MTA3: variants seen among roughly 807,000 people sequenced by gnomAD.
The protein encoded by MTA3 is metastasis-associated protein MTA3.
MTA3 carries 34 observed loss-of-function variants against 83.5 expected under a neutral mutation model. That is an observed-to-expected ratio of 0.41 (90% CI 0.31 to 0.54). MTA3 has a LOEUF of 0.54. MTA3 is among the 20% of genes least tolerant of loss of function. The pLI is 0.33. For synonymous variants in MTA3, 303 were observed against 252.7 expected, an observed-to-expected ratio of 1.20 and a Z score of -1.89; for missense variants, 761 against 726.4, an observed-to-expected ratio of 1.05 and a Z score of -0.55.
At chr2:42,544,529 A>G (rs1460260835) in intron 2 of MTA3, among the ~76,000 whole-genome samples, 1 of 151,540 alleles carries the variant, frequency 6.6e-6, no homozygotes, top group East Asian at 1.9e-4. Context: ...CTAAAATACC[A>G]AAAATAACTT....
intron 4 of MTA3, among the ~76,000 whole-genome samples, chr2:42,630,279 C>T (rs1448510955): frequency 6.6e-6 from 1 of 152,166 alleles, no homozygotes; most frequent in African/African-American, 2.4e-5. Flanking sequence ...AACTACATTT[C>T]TGGCCATAAC....
At chr2:42,652,880 C>T (rs1439296077) in intron 6 of MTA3, among the ~76,000 whole-genome samples, 2 of 152,062 alleles carry the variant, frequency 1.3e-5, no homozygotes, top group East Asian at 1.9e-4. Context: ...TTGTGTGTTC[C>T]TGAATTACAT....
At chr2:42,665,209 T>C (rs1441286569) in intron 8 of MTA3, among the ~76,000 whole-genome samples, 2 of 152,040 alleles carry the variant, frequency 1.3e-5, no homozygotes, top group Non-Finnish European at 2.9e-5. Flanking sequence ...CTGGGCAACA[T>C]AGTGAAACCC....
At chr2:42,745,213 A>C (rs2104591817) in intron 16 of MTA3, among the ~76,000 whole-genome samples, 1 of 152,384 alleles carries the variant, frequency 6.6e-6, no homozygotes, top group East Asian at 1.9e-4. Flanking sequence ...TGTGAAACCA[A>C]GGTGCAGACT....
At chr2:42,634,378 T>C (rs1456391640) in intron 4 of MTA3, among the ~76,000 whole-genome samples, 1 of 152,204 alleles carries the variant, frequency 6.6e-6, no homozygotes, top group East Asian at 1.9e-4. Flanking sequence ...TGATTCACAG[T>C]TCTGCATGGC....
At chr2:42,586,395 G>C (rs1310857544) in intron 3 of MTA3, among the ~76,000 whole-genome samples, 1 of 148,470 alleles carries the variant, frequency 6.7e-6, no homozygotes, top group South Asian at 2.1e-4. Flanking sequence ...GACTAGCCTG[G>C]GCAACACAGC....
intron 4 of MTA3, among the ~76,000 whole-genome samples, chr2:42,633,134 A>C (rs978907500): frequency 3.9e-5 from 6 of 152,084 alleles, no homozygotes; most frequent in Admixed American, 1.3e-4. Context: ...ATGGGGGTGC[A>C]TGCCTGTAGT....
At chr2:42,598,301 G>T (rs570035943) in intron 3 of MTA3, among the ~76,000 whole-genome samples, 1 of 151,634 alleles carries the variant, frequency 6.6e-6, no homozygotes, top group Non-Finnish European at 1.5e-5. Flanking sequence ...TCCTGACCTC[G>T]TGATCCACCC....
At chr2:42,726,245 G>A (rs1667807570) in intron 16 of MTA3, among the ~76,000 whole-genome samples, 1 of 152,118 alleles carries the variant, frequency 6.6e-6, no homozygotes. Context: ...ACAACACCCG[G>A]GGCTGCTGAG....
At chr2:42,735,848 A>T (rs980491602) in intron 16 of MTA3, among the ~76,000 whole-genome samples, 2 of 152,064 alleles carry the variant, frequency 1.3e-5, no homozygotes, top group African/African-American at 4.8e-5. Flanking sequence ...TTATTCTATT[A>T]TTGAATTCTG....
At chr2:42,661,526 A>G (rs1659956465) in intron 8 of MTA3, among the ~76,000 whole-genome samples, 1 of 113,314 alleles carries the variant, frequency 8.8e-6, no homozygotes, top group South Asian at 3.0e-4. Context: ...AAAAAAAAAA[A>G]AAGAAAAAGA....
chr2:42,567,639 C>T (rs1003338292), upstream of MTA3, among the ~76,000 whole-genome samples: 1 of 150,448 alleles, frequency 6.6e-6, no homozygotes, highest in African/African-American at 2.5e-5. Context: ...AGCTAAGATT[C>T]AACGTTGTTT....
intron 8 of MTA3, among the ~76,000 whole-genome samples, chr2:42,666,608 T>C (rs1690256953): frequency 6.6e-6 from 1 of 152,226 alleles, no homozygotes; most frequent in South Asian, 2.1e-4. Flanking sequence ...TCCATCACTT[T>C]AGGGCAGGTT....
At chr2:42,654,885 G>A (rs779166802) in intron 6 of MTA3, among the ~76,000 whole-genome samples, 55 of 152,044 alleles carry the variant, frequency 3.6e-4, no homozygotes, top group Non-Finnish European at 2.2e-4. Context: ...CAAAGTGCTG[G>A]GATTATAGGT....
At chr2:42,657,435 A>T (rs938196452) in intron 7 of MTA3, among the ~76,000 whole-genome samples, 4 of 152,160 alleles carry the variant, frequency 2.6e-5, no homozygotes, top group African/African-American at 9.7e-5. Context: ...TTGAGTACAG[A>T]ATATTGGTCT....
rs1687965062 is a variant in MTA3 at position 42,644,320 on chromosome 2, A to G, written c.499+76A>G. 3 of 930,324 alleles carry G rather than the reference A, an allele frequency of 3.2e-6. No homozygotes were observed. In the Admixed American group the frequency reaches 7.2e-5, roughly 22 times the overall value. The allele number at this position is 930,324 out of a possible 1,614,324, so 57.6% of individuals were successfully genotyped here. On this transcript the variant is annotated intron_variant, in intron 6 of 16. Coordinates refer to ENST00000405094, the MANE Select transcript of MTA3 (RefSeq NM_001330442.2). ...CTCAAATATACATGTCCTCATGTAGAAGAGGCAATGTTCAGGGCAAAGTCT... is the reference window on the plus strand; with the variant it reads ...CTCAAATATACATGTCCTCATGTAGGAGAGGCAATGTTCAGGGCAAAGTCT...
intron 2 of MTA3, among the ~76,000 whole-genome samples, chr2:42,513,705 C>T (rs1015001201): frequency 2.6e-5 from 4 of 152,190 alleles, no homozygotes; most frequent in African/African-American, 9.7e-5. Context: ...ACCCACTTGT[C>T]CTGAAGCCCA....
intron 2 of MTA3, among the ~76,000 whole-genome samples, chr2:42,549,667 C>A (rs1366468830): frequency 8.3e-6 from 1 of 120,590 alleles, no homozygotes. Flanking sequence ...TATACATATA[C>A]ATATATAATA....
Position 42,756,626 on chromosome 2 carries a change from G to A in MTA3, c.*3227G>A. The A allele has an allele frequency of 1.0e-6, 1 of 985,532 alleles. No homozygotes were observed. Among genetic ancestry groups the A allele is most frequent in the Non-Finnish European group, 1.2e-6 (1 of 829,994 alleles). The allele number at this position is 985,532 out of a possible 1,614,324, so 61.0% of individuals were successfully genotyped here. On this transcript the variant is annotated 3_prime_UTR_variant, in exon 17 of 17. Coordinates refer to ENST00000405094, the MANE Select transcript of MTA3 (RefSeq NM_001330442.2). ...TCTGCCTAGAGAGGAAACGGCTTTG[G>A]GGAGGGAGGGGGAAGCCTTTATTCT...
Sources: gnomAD v4.1 joint callset for allele counts (sites outside exome capture counted in the v4.1 genomes callset) on GRCh38, gnomAD v4.1.1 for gene constraint, MANE v1.5 for transcripts, NCBI Gene and HGNC (gene_info 2026-07-23, HGNC 2026-07-21) for gene names.